Variants in DCC observed in about 807,000 individuals in gnomAD.
The protein encoded by DCC is DCC netrin 1 receptor, also known as netrin receptor DCC.
In DCC, 58 loss-of-function variants were observed where a neutral mutation model predicts 172.5. The ratio of observed to expected loss-of-function variants is 0.34; its 90% CI spans 0.27 to 0.42. DCC has a LOEUF of 0.42. Ranked by LOEUF, DCC falls within the 10% of genes least tolerant of loss-of-function variation. The probability of loss-of-function intolerance (pLI) is 1.00; values close to 1 mark genes in which losing one functional copy is unlikely to be tolerated. For missense variants in DCC, 1,740 were observed against 1,791.0 expected (o/e 0.97, Z 0.51); for synonymous variants, 709 against 644.5 (o/e 1.10, Z -1.52).
At chr18:52,899,743 A>T (rs1598911003) in intron 2 of DCC, among the ~76,000 whole-genome samples, 1 of 151,312 alleles carries the variant, frequency 6.6e-6, no homozygotes, top group South Asian at 2.1e-4. Flanking sequence ...TGATCCTCCC[A>T]CCTTGGACTG....
At chr18:52,638,042 C>T (rs933358483) in intron 1 of DCC, among the ~76,000 whole-genome samples, 1 of 152,102 alleles carries the variant, frequency 6.6e-6, no homozygotes, top group Non-Finnish European at 1.5e-5. Flanking sequence ...AATTATCAGG[C>T]AAACATTTTG....
chr18:52,513,073 G>A (rs993570510), intron 1 of DCC, among the ~76,000 whole-genome samples: 4 of 152,124 alleles, frequency 2.6e-5, no homozygotes, highest in Admixed American at 2.6e-4. Flanking sequence ...GCTCCTCTGA[G>A]TTGAAAAACT....
chr18:52,451,367 A>G (rs566971593), intron 1 of DCC, among the ~76,000 whole-genome samples: 1 of 152,214 alleles, frequency 6.6e-6, no homozygotes, highest in East Asian at 1.9e-4. Flanking sequence ...GTAATGGGAG[A>G]GATTGCACAA....
intron 15 of DCC, among the ~76,000 whole-genome samples, chr18:53,354,590 G>A (rs960052770): frequency 1.9e-4 from 29 of 152,080 alleles, no homozygotes; most frequent in South Asian, 4.2e-4. Flanking sequence ...CATATCCTTC[G>A]CCCACTTTTT....
chr18:52,605,467 T>G (rs1456273918), intron 1 of DCC, among the ~76,000 whole-genome samples: 1 of 152,196 alleles, frequency 6.6e-6, no homozygotes, highest in Admixed American at 6.6e-5. Context: ...CCATTTGTTC[T>G]GATATTATTG....
intron 1 of DCC, among the ~76,000 whole-genome samples, chr18:52,658,141 A>G (rs540361021): frequency 1.3e-5 from 2 of 152,332 alleles, no homozygotes; most frequent in African/African-American, 4.8e-5. Context: ...TCTATCACAA[A>G]TGAAGGGAAA....
chr18:52,656,034 ATG>A (rs1368494881), intron 1 of DCC, among the ~76,000 whole-genome samples: 2 of 144,790 alleles, frequency 1.4e-5, no homozygotes, highest in South Asian at 2.2e-4. Context: ...ATATGTATAT[ATG>A]TGTGTATATA....
At chr18:53,409,131 G>A (rs1171157315) in intron 19 of DCC, among the ~76,000 whole-genome samples, 2 of 152,178 alleles carry the variant, frequency 1.3e-5, no homozygotes, top group Non-Finnish European at 2.9e-5. Context: ...ATGGAGTGAA[G>A]AAAGGTGGAA....
intron 25 of DCC, among the ~76,000 whole-genome samples, chr18:53,480,358 A>G (rs544940792): frequency 1.3e-5 from 2 of 152,308 alleles, no homozygotes; most frequent in East Asian, 1.9e-4. Context: ...ATTGGGCCAG[A>G]TAGACTTCAA....
chr18:53,499,631 C>G (rs1003071673), intron 27 of DCC, 121 bp downstream of exon 27: 130 of 846,628 alleles, frequency 1.5e-4, no homozygotes, highest in Non-Finnish European at 2.1e-4. Flanking sequence ...ATTACATGCC[C>G]AGTGTGCTCA....
intron 27 of DCC, among the ~76,000 whole-genome samples, chr18:53,514,422 G>T (rs549518577): frequency 6.6e-6 from 1 of 152,210 alleles, no homozygotes; most frequent in Admixed American, 6.5e-5. Flanking sequence ...ACATTCAAAA[G>T]CTAGCAGAAG....
intron 1 of DCC, among the ~76,000 whole-genome samples, chr18:52,600,713 C>T (rs570744252): frequency 3.2e-4 from 37 of 114,738 alleles, no homozygotes; most frequent in Non-Finnish European, 4.4e-4. Context: ...AAAAATTTTG[C>T]GCATTGTTGT....
intron 18 of DCC, among the ~76,000 whole-genome samples, chr18:53,401,336 C>A (rs1454106091): frequency 6.6e-6 from 1 of 152,082 alleles, no homozygotes; most frequent in Non-Finnish European, 1.5e-5. Flanking sequence ...ATCCCTTCTT[C>A]TTTTTTGAAA....
chr18:52,799,276 C>T (rs1489988384), intron 2 of DCC, among the ~76,000 whole-genome samples: 8 of 152,182 alleles, frequency 5.3e-5, no homozygotes, highest in Non-Finnish European at 8.8e-5. Flanking sequence ...CATTGAACTG[C>T]TTCAGATTGC....
chr18:53,413,311 T>G (rs1464290650), intron 20 of DCC, among the ~76,000 whole-genome samples: 1 of 152,220 alleles, frequency 6.6e-6, no homozygotes, highest in Non-Finnish European at 1.5e-5. Context: ...AATATAGCAC[T>G]GAAAGCTTTG....
chr18:52,647,403 G>C (rs1296691856), intron 1 of DCC, among the ~76,000 whole-genome samples: 1 of 152,194 alleles, frequency 6.6e-6, no homozygotes, highest in Non-Finnish European at 1.5e-5. Context: ...AGGTAGTCCT[G>C]TCTTGCCATC....
chr18:52,731,976 T>C (rs1403514832), intron 1 of DCC, among the ~76,000 whole-genome samples: 1 of 152,172 alleles, frequency 6.6e-6, no homozygotes, highest in Non-Finnish European at 1.5e-5. Context: ...GCCTAAATCT[T>C]TTTACGGCTT....
At chr18:52,698,657 A>G (rs2036050863) in intron 1 of DCC, among the ~76,000 whole-genome samples, 1 of 151,998 alleles carries the variant, frequency 6.6e-6, no homozygotes, top group African/African-American at 2.4e-5. Flanking sequence ...CAATGGCACA[A>G]TCACAACCTC....
chr18:52,539,206 GA>G (rs1170812875), intron 1 of DCC, among the ~76,000 whole-genome samples: 1 of 152,098 alleles, frequency 6.6e-6, no homozygotes, highest in East Asian at 1.9e-4. Flanking sequence ...TGGAACCATA[GA>G]GAGATATTTT....
Sources: gnomAD v4.1 joint callset for allele counts (sites outside exome capture counted in the v4.1 genomes callset) on GRCh38, gnomAD v4.1.1 for gene constraint, MANE v1.5 for transcripts, NCBI Gene and HGNC (gene_info 2026-07-23, HGNC 2026-07-21) for gene names.